The following PI15 variants were observed in gnomAD, a reference collection of about 807,000 sequenced individuals.
The protein encoded by PI15 is peptidase inhibitor 15, also known as 25 kDa trypsin inhibitor.
In PI15, 18 loss-of-function variants were observed where a neutral mutation model predicts 31.0. That is an observed-to-expected ratio of 0.58 (90% CI 0.40 to 0.86). The LOEUF is 0.86. Ranked by LOEUF, PI15 falls within the 40% of genes least tolerant of loss-of-function variation. PI15 has a pLI of 0.00. For synonymous variants in PI15, 118 were observed against 119.1 expected, an observed-to-expected ratio of 0.99 and a Z score of 0.06; for missense variants, 282 against 328.1, an observed-to-expected ratio of 0.86 and a Z score of 1.09.
Position 74,851,244 on chromosome 8 carries a change from A to G in PI15, c.*1991A>G, listed in dbSNP as rs1326245538. On this transcript the variant is annotated 3_prime_UTR_variant, in exon 6 of 6. Transcript: ENST00000260113. ...GGTCTTAATCCAACTTTTTTCTAAT[A>G]TATCTAAACAATTGAAAGGGAAGCT... 1 of 152,126 alleles carries G rather than the reference A, an allele frequency of 6.6e-6. No individual in the cohort carries two copies. The highest frequency in any genetic ancestry group is 2.4e-5 in the African/African-American group (1 of 41,444). 9.4% of individuals were successfully genotyped at this position (152,126 alleles called of 1,614,324 possible).
At position 74,849,898 on chromosome 8, in the gene PI15, T is replaced by A. The variant is rs889500609; in HGVS notation, c.*645T>A. 6.6e-6 allele frequency: 1 copy of A among 152,168 alleles called. No homozygotes were observed. The highest frequency in any genetic ancestry group is 1.5e-5 in the Non-Finnish European group (1 of 68,018). The allele number at this position is 152,168 out of a possible 1,614,324, so 9.4% of individuals were successfully genotyped here. A position where few individuals can be genotyped will look rare whatever the true frequency, so the allele number is the denominator to read the frequency against. On this transcript the variant is annotated 3_prime_UTR_variant, in exon 6 of 6. Transcript: ENST00000260113. ...GAGTCCACCAAAGGATAATGCCAACTTATATAAGTTCTCAAATCATGCCTT... is the reference window on the plus strand; with the variant it reads ...GAGTCCACCAAAGGATAATGCCAACATATATAAGTTCTCAAATCATGCCTT...
At chr8:74,843,385 C>T (rs1278118221) in intron 2 of PI15, among the ~76,000 whole-genome samples, 2 of 152,102 alleles carry the variant, frequency 1.3e-5, no homozygotes, top group Admixed American at 1.3e-4. Flanking sequence ...TAACAGTGGC[C>T]TGAATTTGCT....
rs562513507 is a variant in PI15 at position 74,839,897 on chromosome 8, A to G, written c.274-4084A>G. On this transcript the variant is annotated intron_variant, in intron 2 of 5. Transcript: ENST00000260113. ...TAGATTGCCTATTAAGCATCTGGAA[A>G]TTAATAAATTAAGTCAAATGTTTAT... Among the ~76,000 whole-genome samples the G allele has an allele frequency of 3.3e-4, 50 of 152,290 alleles. 2 individuals are homozygous for G. The South Asian group carries it at 0.01, about 31-fold the overall frequency.
intron 5 of PI15, among the ~76,000 whole-genome samples, chr8:74,846,545 T>C (rs531495715): frequency 2.6e-5 from 4 of 152,356 alleles, no homozygotes; most frequent in African/African-American, 7.2e-5. Context: ...TATGTAACTA[T>C]TCATTTTTGG....
intron 2 of PI15, among the ~76,000 whole-genome samples, chr8:74,835,171 A>C (rs1810844658): frequency 6.6e-6 from 1 of 152,088 alleles, no homozygotes; most frequent in Admixed American, 6.6e-5. Flanking sequence ...CCTTACCCCC[A>C]TCCCTTCAAA....
intron 2 of PI15, among the ~76,000 whole-genome samples, chr8:74,832,804 A>G (rs1477808918): frequency 6.6e-6 from 1 of 152,120 alleles, no homozygotes; most frequent in Non-Finnish European, 1.5e-5. Context: ...TAACACAAAT[A>G]TGGAAGAATG....
chr8:74,842,793 C>T (rs1810963882), intron 2 of PI15, among the ~76,000 whole-genome samples: 2 of 152,224 alleles, frequency 1.3e-5, no homozygotes, highest in Admixed American at 1.3e-4. Flanking sequence ...GAAAATTTAC[C>T]ATCCATCACT....
chr8:74,835,273 C>T (rs1810846627), intron 2 of PI15, among the ~76,000 whole-genome samples: 2 of 152,022 alleles, frequency 1.3e-5, no homozygotes, highest in South Asian at 4.2e-4. Flanking sequence ...GTATTTCAAC[C>T]AATAAAGTCA....
intron 2 of PI15, among the ~76,000 whole-genome samples, chr8:74,833,344 T>C (rs948711275): frequency 1.3e-5 from 2 of 152,146 alleles, no homozygotes; most frequent in Non-Finnish European, 2.9e-5. Flanking sequence ...TGAATTAATA[T>C]GTTTTAAAAC....
At position 74,825,271 on chromosome 8, in the gene PI15, A is replaced by G; in HGVS notation, c.22A>G (p.Ser8Gly). 1 of 1,613,454 alleles carries G rather than the reference A, an allele frequency of 6.2e-7. No individual in the cohort carries two copies. The highest frequency in any genetic ancestry group is 8.5e-7 in the Non-Finnish European group (1 of 1,179,582). Residue 8 changes from serine (S) to glycine (G), a missense_variant, in exon 2 of 6, where the codon AGC becomes GGC. Transcript: ENST00000260113. ...CAAAATGATAGCAATCTCTGCCGTCAGCAGTGCACTCCTGTTCTCCCTTCT... is the reference window on the plus strand; with the variant it reads ...CAAAATGATAGCAATCTCTGCCGTCGGCAGTGCACTCCTGTTCTCCCTTCT... MIAISAV[S>G]SALLFSLLCE...
At chr8:74,842,475 A>C (rs2128765549) in intron 2 of PI15, among the ~76,000 whole-genome samples, 1 of 152,298 alleles carries the variant, frequency 6.6e-6, no homozygotes, top group East Asian at 1.9e-4. Flanking sequence ...TTTTAAAATA[A>C]TTATTTTCAA....
At chr8:74,828,387 G>A (rs1586951338) in intron 2 of PI15, among the ~76,000 whole-genome samples, 1 of 151,966 alleles carries the variant, frequency 6.6e-6, no homozygotes, top group East Asian at 1.9e-4. Context: ...TAAGTTAGAA[G>A]GACTCTTTGA....
At chr8:74,848,883 G>A (rs1359627015) in intron 5 of PI15, among the ~76,000 whole-genome samples, 5 of 151,452 alleles carry the variant, frequency 3.3e-5, no homozygotes, top group Non-Finnish European at 7.4e-5. Context: ...AGAGGCACCC[G>A]CCACTACGCC....
At chr8:74,838,542 C>T (rs1196673614) in intron 2 of PI15, among the ~76,000 whole-genome samples, 2 of 152,004 alleles carry the variant, frequency 1.3e-5, no homozygotes, top group African/African-American at 4.8e-5. Flanking sequence ...TGCCCAGTAG[C>T]TTTTCTACTA....
intron 2 of PI15, among the ~76,000 whole-genome samples, chr8:74,838,899 T>C (rs928205163): frequency 3.9e-5 from 6 of 152,178 alleles, no homozygotes; most frequent in African/African-American, 7.2e-5. Context: ...GTGTGCTTTA[T>C]GGTCCTGGCT....
At chr8:74,848,730 T>TAGAG (rs1026583590) in intron 5 of PI15, among the ~76,000 whole-genome samples, 383 of 140,388 alleles carry the variant, frequency 2.7e-3, no homozygotes, top group African/African-American at 8.7e-3. Context: ...TATATATATA[T>TAGAG]ATAGAGAGAG....
At chr8:74,827,980 C>G (rs866208364) in intron 2 of PI15, among the ~76,000 whole-genome samples, 1 of 152,106 alleles carries the variant, frequency 6.6e-6, no homozygotes, top group African/African-American at 2.4e-5. Flanking sequence ...TGTGCATACA[C>G]TTCATTCACA....
At chr8:74,834,660 C>T (rs943689161) in intron 2 of PI15, among the ~76,000 whole-genome samples, 16 of 152,162 alleles carry the variant, frequency 1.1e-4, no homozygotes, top group African/African-American at 2.9e-4. Context: ...CACATATGCA[C>T]GCATGAACAG....
rs138581698 is a variant in PI15 at position 74,825,322 on chromosome 8, C to T, written c.73C>T (p.Leu25Phe). 4,246 of 1,613,176 alleles carry T rather than the reference C, an allele frequency of 2.6e-3. 10 individuals carry two copies. Among genetic ancestry groups the T allele is most frequent in the Non-Finnish European group, 3.3e-3 (3,837 of 1,179,302 alleles). ...CTGTGAAGCAAGTACCGTCGTCCTA[C>T]TCAATTCCACTGACTCATCCCCGCC... Reference protein sequence around the residue: ...LLCEASTVVLLNSTDSSPPTN... With the variant: ...LLCEASTVVLFNSTDSSPPTN... Residue 25 changes from leucine (L) to phenylalanine (F), a missense_variant, in exon 2 of 6, where the codon CTC becomes TTC. Transcript: ENST00000260113.
Sources: gnomAD v4.1 joint callset for allele counts (sites outside exome capture counted in the v4.1 genomes callset) on GRCh38, gnomAD v4.1.1 for gene constraint, MANE v1.5 for transcripts, NCBI Gene and HGNC (gene_info 2026-07-23, HGNC 2026-07-21) for gene names.